PTPN3: variants seen among roughly 807,000 people sequenced by gnomAD.
The protein encoded by PTPN3 is tyrosine-protein phosphatase non-receptor type 3.
A neutral mutation model predicts 132.7 loss-of-function variants in PTPN3; 96 were observed. That is an observed-to-expected ratio of 0.72 (90% CI 0.61 to 0.86). PTPN3 has a LOEUF of 0.86. Ranked by LOEUF, PTPN3 falls within the 40% of genes least tolerant of loss-of-function variation. The probability of loss-of-function intolerance (pLI) is 0.00; values close to 1 mark genes in which losing one functional copy is unlikely to be tolerated. For missense variants in PTPN3, 1,125 were observed against 1,159.6 expected, an observed-to-expected ratio of 0.97 and a Z score of 0.43; for synonymous variants, 398 against 429.0, an observed-to-expected ratio of 0.93 and a Z score of 0.89.
intron 10 of PTPN3, among the ~76,000 whole-genome samples, chr9:109,431,416 G>A (rs1843657199): frequency 6.6e-6 from 1 of 152,220 alleles, no homozygotes; most frequent in South Asian, 2.1e-4. Flanking sequence ...ATCTGGAGGG[G>A]CTGGGTGCAG....
the PTPN3 span, among the ~76,000 whole-genome samples, chr9:109,513,672 C>A: frequency 6.6e-6 from 1 of 152,040 alleles, no homozygotes; most frequent in Non-Finnish European, 1.5e-5. Flanking sequence ...AAAAAGAAAG[C>A]TGTTTACTCC....
rs777040680 is a variant in PTPN3, at chr9:109,382,336, TCA to T, written c.2492_2493del (p.Leu831GlnfsTer32). The T allele has an allele frequency of 1.9e-6, 3 of 1,614,092 alleles. No homozygotes were observed. Among genetic ancestry groups the T allele is most frequent in the African/African-American group, 1.3e-5 (1 of 75,054 alleles). ...FLEFVNYVRS[L>X]RVDSEPVLVH... is the part of the protein sequence containing the mutation. ...ACTAGGACGGGCTCGCTGTCCACTC[TCA>T]GAGACCTCACATAGTTTACAAATTC... On this transcript the variant is annotated frameshift_variant, in exon 24 of 26. Coordinates refer to ENST00000374541, the MANE Select transcript of PTPN3 (RefSeq NM_002829.4). LOFTEE classifies it high-confidence loss of function.
intron 25 of PTPN3, among the ~76,000 whole-genome samples, chr9:109,381,367 G>A (rs1351574080): frequency 6.6e-6 from 1 of 152,210 alleles, no homozygotes; most frequent in Non-Finnish European, 1.5e-5. Context: ...GGTCTAGGTG[G>A]GTCGGTGCGG....
intron 1 of PTPN3, among the ~76,000 whole-genome samples, chr9:109,484,649 A>C (rs73654251): frequency 0.026 from 3,990 of 152,250 alleles, 160 homozygotes; most frequent in African/African-American, 0.09. Context: ...AGGCGACAGG[A>C]GGGTAGTGAG....
chr9:109,416,865 G>A (rs964401488), intron 14 of PTPN3, among the ~76,000 whole-genome samples: 10 of 152,194 alleles, frequency 6.6e-5, no homozygotes, highest in South Asian at 2.1e-4. Flanking sequence ...CCATCCACTC[G>A]GAGGGTGTCA....
chr9:109,425,783 T>C lies in PTPN3; in HGVS notation c.1001+1167A>G, dbSNP rs182053263. Among the ~76,000 whole-genome samples, 42 of 151,616 alleles carry C rather than the reference T, an allele frequency of 2.8e-4. No individual in the cohort carries two copies. In the East Asian group the frequency reaches 7.6e-3, roughly 27 times the overall value. The stretch of plus-strand genomic sequence containing the variant: ...ATCCCAGAACTTTGGGAGGCCAAGG[T>C]GGGTGGATCACCTGAGGTCAGGAAT... On this transcript the variant is annotated intron_variant, in intron 12 of 25. Transcript: ENST00000374541.
intron 2 of PTPN3, among the ~76,000 whole-genome samples, chr9:109,458,038 G>C (rs541528836): frequency 6.6e-6 from 1 of 152,154 alleles, no homozygotes; most frequent in Admixed American, 6.5e-5. Context: ...TGCCTTCCCC[G>C]CTCCATGTTT....
chr9:109,451,470 G>A (rs1845243622), intron 5 of PTPN3: 1 of 895,144 alleles, frequency 1.1e-6, no homozygotes, highest in Non-Finnish European at 1.3e-6. Flanking sequence ...TACTCATTCT[G>A]TGCTAAAATC....
At chr9:109,397,050 G>GGGAAGAAAAAGGGAAAAGGACA (rs1840666083) in intron 19 of PTPN3, among the ~76,000 whole-genome samples, 2 of 152,106 alleles carry the variant, frequency 1.3e-5, no homozygotes, top group African/African-American at 2.4e-5. Flanking sequence ...CCCAAGAAGG[G>GGGAAGAAAAAGGGAAAAGGACA]GGAAGAAAAA....
At position 109,449,247 on chromosome 9, in the gene PTPN3, G is replaced by C; in HGVS notation, c.369-392C>G. The C allele has an allele frequency of 2.9e-6, 3 of 1,031,136 alleles. No homozygotes were observed. The South Asian group carries it at 1.2e-4, about 41-fold the overall frequency. 63.9% of individuals were successfully genotyped at this position (1,031,136 alleles called of 1,614,324 possible). On this transcript the variant is annotated intron_variant, in intron 5 of 25. Transcript: ENST00000374541. ...CACAAGCGGCGCCCACACACTGGCAGGGCCACTGTTCTGAACACTGTGCCA... is the reference window on the plus strand; with the variant it reads ...CACAAGCGGCGCCCACACACTGGCACGGCCACTGTTCTGAACACTGTGCCA...
In PTPN3 at chr9:109,406,615, C is replaced by A; in HGVS notation, c.1639G>T (p.Asp547Tyr). The change falls in exon 18 of 26, where the codon GAC becomes TAC. Residue 547 changes from aspartate to tyrosine, a missense_variant. Transcript: ENST00000374541. ...VSRINPESPA[D>Y]TCIPKLNEGD... ...TCGTTCAGCTTAGGAATGCAGGTGTCCGCCTGGGTGGTGGGGAAAAGCGAG... is the reference window on the plus strand; with the variant it reads ...TCGTTCAGCTTAGGAATGCAGGTGTACGCCTGGGTGGTGGGGAAAAGCGAG... 1.2e-6 allele frequency: 2 copies of A among 1,614,014 alleles called. No homozygotes were observed. The highest frequency in any genetic ancestry group is 8.5e-7 in the Non-Finnish European group (1 of 1,179,904).
At chr9:109,482,346 C>T (rs1846999510) in intron 1 of PTPN3, among the ~76,000 whole-genome samples, 1 of 152,144 alleles carries the variant, frequency 6.6e-6, no homozygotes, top group Admixed American at 6.5e-5. Context: ...ACAAAACAGC[C>T]ACAGGATGTC....
At chr9:109,429,293 CATTCAACTAGAA>C (rs1384130068) in intron 10 of PTPN3, among the ~76,000 whole-genome samples, 1 of 152,162 alleles carries the variant, frequency 6.6e-6, no homozygotes, top group Non-Finnish European at 1.5e-5. Context: ...TGCTCAAGAT[CATTCAACTAGAA>C]ATTCCTGGAG....
At chr9:109,391,337 GA>G (rs1035412307) in intron 20 of PTPN3, 133 bp downstream of exon 20, 5 of 1,270,112 alleles carry the variant, frequency 3.9e-6, no homozygotes, top group Non-Finnish European at 5.5e-6. Context: ...TTCCGAGTCT[GA>G]AATGGCTGCA....
chr9:109,391,776 C>T (rs933427158), intron 19 of PTPN3, among the ~76,000 whole-genome samples: 41 of 138,214 alleles, frequency 3.0e-4, no homozygotes, highest in African/African-American at 1.0e-3. Flanking sequence ...GAAAAAATGC[C>T]ATAGGAAGGG....
At chr9:109,454,406 A>C in intron 5 of PTPN3, 90 bp downstream of exon 5, 7 of 1,080,680 alleles carry the variant, frequency 6.5e-6, no homozygotes, top group Non-Finnish European at 9.9e-6. Flanking sequence ...AAATGAAGTT[A>C]TTTGGCCATA....
intron 19 of PTPN3, among the ~76,000 whole-genome samples, chr9:109,404,203 C>A (rs147843998): frequency 1.2e-3 from 188 of 152,332 alleles, no homozygotes; most frequent in African/African-American, 4.3e-3. Context: ...CCACCCTGAT[C>A]CCTGCTTGCT....
At chr9:109,534,644 AAAAAAAAAAT>A in the PTPN3 span, among the ~76,000 whole-genome samples, 1 of 149,708 alleles carries the variant, frequency 6.7e-6, no homozygotes, top group Non-Finnish European at 1.5e-5. Flanking sequence ...AAAAAAAAAA[AAAAAAAAAAT>A]ACCTGGGCGT....
chr9:109,473,384 T>C (rs748466975), intron 1 of PTPN3, among the ~76,000 whole-genome samples: 9 of 152,196 alleles, frequency 5.9e-5, no homozygotes, highest in African/African-American at 2.2e-4. Flanking sequence ...AAATGTCAAA[T>C]AGTTTTCTTA....
Sources: allele counts gnomAD v4.1 joint callset (sites outside exome capture counted in the v4.1 genomes callset), GRCh38; gene constraint gnomAD v4.1.1; transcripts MANE v1.5; gene names NCBI Gene and HGNC (gene_info 2026-07-23, HGNC 2026-07-21).